The following MARK1 variants were observed in gnomAD, a reference collection of about 807,000 sequenced individuals.
The protein encoded by MARK1 is microtubule affinity regulating kinase 1, also known as serine/threonine-protein kinase MARK1.
A neutral mutation model predicts 96.3 loss-of-function variants in MARK1; 40 were observed. That is an observed-to-expected ratio of 0.42 (90% CI 0.32 to 0.54). MARK1 has a LOEUF of 0.54. MARK1 is among the 20% of genes least tolerant of loss of function. The pLI is 0.16. For synonymous variants in MARK1, 317 were observed against 341.2 expected (o/e 0.93, Z 0.78); for missense variants, 719 against 984.6 (o/e 0.73, Z 3.61).
rs56212262 is a variant in MARK1, at chr1:220,558,133, A to AAATAATAAT, written c.52-21183_52-21175dup. 1.1e-3 allele frequency among the ~76,000 whole-genome samples: 157 copies of AAATAATAAT among 137,150 alleles called. 2 individuals are homozygous for AAATAATAAT. Among genetic ancestry groups the AAATAATAAT allele is most frequent in the East Asian group, 3.6e-3 (17 of 4,718 alleles). 90.0% of individuals were successfully genotyped at this position (137,150 alleles called of 152,430 possible). On this transcript the variant is annotated intron_variant, in intron 1 of 17. Transcript: ENST00000366917. The stretch of plus-strand genomic sequence containing the variant: ...GGGCAACAGAGTGAGACCCTGTCTC[A>AAATAATAAT]AATAATAATAATAATAATAATAATA...
intron 1 of MARK1, among the ~76,000 whole-genome samples, chr1:220,557,563 A>G (rs565084489): frequency 6.6e-5 from 10 of 152,314 alleles, no homozygotes; most frequent in African/African-American, 2.2e-4. Flanking sequence ...TGTCTCAAAA[A>G]AAAAGGACAA....
rs149962766 is a variant in MARK1 at position 220,610,155 on chromosome 1, G to A, written c.496-5784G>A. 2.6e-5 allele frequency among the ~76,000 whole-genome samples: 4 copies of A among 152,270 alleles called. No homozygotes were observed. In the East Asian group the frequency reaches 7.7e-4, roughly 29 times the overall value. On this transcript the variant is annotated intron_variant, in intron 6 of 17. Transcript: ENST00000366917. ...ATCCTAAAGAGTGTTTTCCAACTTG[G>A]TTCCATTCTCCCTGTCACTTTCAGG...
At chr1:220,546,753 G>A (rs1205847045) in intron 1 of MARK1, among the ~76,000 whole-genome samples, 1 of 152,132 alleles carries the variant, frequency 6.6e-6, no homozygotes, top group East Asian at 1.9e-4. Flanking sequence ...CAGGTGGATC[G>A]CCTGAGTTCA....
At chr1:220,532,990 A>C (rs1320691044) in intron 1 of MARK1, among the ~76,000 whole-genome samples, 1 of 139,698 alleles carries the variant, frequency 7.2e-6, no homozygotes, top group East Asian at 2.1e-4. Flanking sequence ...AGCCCGGGTG[A>C]CAGAGTGTGA....
At chr1:220,568,785 A>G (rs1445186655) in intron 1 of MARK1, among the ~76,000 whole-genome samples, 1 of 152,154 alleles carries the variant, frequency 6.6e-6, no homozygotes, top group Non-Finnish European at 1.5e-5. Flanking sequence ...AACATACCAT[A>G]CATACATAAC....
chr1:220,596,262 G>GA (rs1298838871), intron 3 of MARK1, among the ~76,000 whole-genome samples: 4 of 152,086 alleles, frequency 2.6e-5, no homozygotes, highest in Non-Finnish European at 5.9e-5. Context: ...GGAAGACTGA[G>GA]AGGGGTCATT....
chr1:220,535,318 A>T (rs770623579), intron 1 of MARK1, among the ~76,000 whole-genome samples: 8 of 152,106 alleles, frequency 5.3e-5, no homozygotes, highest in Non-Finnish European at 8.8e-5. Flanking sequence ...TGCATTTCCC[A>T]GATGATTTGT....
At chr1:220,619,858 TAGAA>T (rs1278493983) in intron 9 of MARK1, among the ~76,000 whole-genome samples, 1 of 152,216 alleles carries the variant, frequency 6.6e-6, no homozygotes, top group East Asian at 1.9e-4. Flanking sequence ...TTTACCTTAA[TAGAA>T]AGGGTAGAGA....
At chr1:220,627,526 TTC>T in intron 9 of MARK1, 1 of 376,868 alleles carries the variant, frequency 2.7e-6, no homozygotes, top group South Asian at 2.2e-5. Flanking sequence ...TGCTTTCTAT[TTC>T]TCTGTGTATT....
At chr1:220,644,595 C>A (rs771862833) in intron 13 of MARK1, among the ~76,000 whole-genome samples, 3 of 151,868 alleles carry the variant, frequency 2.0e-5, no homozygotes, top group South Asian at 2.1e-4. Flanking sequence ...TAGATATCTG[C>A]AGAACTCTCC....
At chr1:220,617,263 G>C (rs1666807849) in intron 7 of MARK1, among the ~76,000 whole-genome samples, 1 of 152,012 alleles carries the variant, frequency 6.6e-6, no homozygotes, top group African/African-American at 2.4e-5. Flanking sequence ...AGGTGTATCT[G>C]CATTTTCCAA....
chr1:220,550,096 C>G (rs1266321472), intron 1 of MARK1, among the ~76,000 whole-genome samples: 3 of 152,148 alleles, frequency 2.0e-5, no homozygotes, highest in Non-Finnish European at 4.4e-5. Flanking sequence ...AGACTGAGTA[C>G]AAATATACTT....
In MARK1 at chr1:220,533,423, GTTA is replaced by G. The variant is rs1347845357; in HGVS notation, c.51+4559_51+4561del. 2.6e-5 allele frequency among the ~76,000 whole-genome samples: 4 copies of G among 151,982 alleles called. No homozygotes were observed. The East Asian group carries it at 7.7e-4, about 29-fold the overall frequency. ...ATAGAATTAGACACATGATTTTAAA[GTTA>G]TTATTATTGTTATTATTTTTCCTCT... On this transcript the variant is annotated intron_variant, in intron 1 of 17. Coordinates refer to ENST00000366917, the MANE Select transcript of MARK1 (RefSeq NM_018650.5).
At chr1:220,548,231 G>A (rs1017999201) in intron 1 of MARK1, among the ~76,000 whole-genome samples, 1 of 152,134 alleles carries the variant, frequency 6.6e-6, no homozygotes, top group Non-Finnish European at 1.5e-5. Context: ...GAAGTATATC[G>A]GAGAGAGGTT....
chr1:220,578,216 T>A (rs571082655), intron 1 of MARK1, among the ~76,000 whole-genome samples: 1 of 152,364 alleles, frequency 6.6e-6, no homozygotes, highest in African/African-American at 2.4e-5. Flanking sequence ...ATGTTGTGTT[T>A]ATTATGTGTG....
At chr1:220,625,967 G>A (rs780453244) in intron 9 of MARK1, 35 of 551,250 alleles carry the variant, frequency 6.3e-5, no homozygotes, top group South Asian at 2.1e-4. Context: ...AAATTCTTGC[G>A]CTCCATCTCT....
intron 9 of MARK1, among the ~76,000 whole-genome samples, chr1:220,628,285 A>G (rs1667462446): frequency 6.6e-6 from 1 of 152,176 alleles, no homozygotes. Context: ...GGCATCCTTC[A>G]ACCTGGCAAT....
At chr1:220,570,669 A>G (rs952664471) in intron 1 of MARK1, among the ~76,000 whole-genome samples, 1 of 152,154 alleles carries the variant, frequency 6.6e-6, no homozygotes, top group Non-Finnish European at 1.5e-5. Flanking sequence ...TGGTGATATC[A>G]GCTAATATTT....
At chr1:220,577,709 C>A (rs773227442) in intron 1 of MARK1, among the ~76,000 whole-genome samples, 4 of 152,168 alleles carry the variant, frequency 2.6e-5, no homozygotes, top group African/African-American at 4.8e-5. Context: ...GTGTATCTGG[C>A]AGCCTGTAAT....
Sources: allele counts gnomAD v4.1 joint callset (sites outside exome capture counted in the v4.1 genomes callset), GRCh38; gene constraint gnomAD v4.1.1; transcripts MANE v1.5; gene names NCBI Gene and HGNC (gene_info 2026-07-23, HGNC 2026-07-21).